Variants in PLCH1 observed in about 807,000 individuals in gnomAD.
The protein encoded by PLCH1 is phospholipase C eta 1.
PLCH1 carries 60 observed loss-of-function variants against 126.7 expected under a neutral mutation model. The observed-to-expected ratio is 0.47, with a 90% CI of 0.38 to 0.59. The LOEUF (loss-of-function observed/expected upper bound fraction) is 0.59. PLCH1 is among the 20% of genes least tolerant of loss of function. The pLI is 0.00. For missense variants in PLCH1, 1,723 were observed against 2,040.0 expected (o/e 0.84, Z 2.99); for synonymous variants, 719 against 734.9 (o/e 0.98, Z 0.35).
chr3:155,453,338 AT>A (rs1425178624), intron 21 of PLCH1, among the ~76,000 whole-genome samples: 2 of 152,194 alleles, frequency 1.3e-5, no homozygotes, highest in African/African-American at 4.8e-5. Flanking sequence ...GAGACCATAA[AT>A]AAGTTAATAT....
At chr3:155,495,738 G>A (rs1176361902) in intron 15 of PLCH1, among the ~76,000 whole-genome samples, 1 of 152,210 alleles carries the variant, frequency 6.6e-6, no homozygotes, top group East Asian at 1.9e-4. Context: ...ATACTCCCGA[G>A]TTAGAAGAGT....
chr3:155,622,117 T>TA (rs1273619319), intron 2 of PLCH1, among the ~76,000 whole-genome samples: 6 of 152,206 alleles, frequency 3.9e-5, no homozygotes, highest in South Asian at 2.1e-4. Context: ...TCAACATTCC[T>TA]AAAAAAAGAA....
At chr3:155,585,454 A>C (rs979393106) in intron 5 of PLCH1, among the ~76,000 whole-genome samples, 16 of 152,216 alleles carry the variant, frequency 1.1e-4, no homozygotes, top group African/African-American at 3.9e-4. Flanking sequence ...CTTAAACTTA[A>C]GAGAGCTCAC....
intron 13 of PLCH1, among the ~76,000 whole-genome samples, chr3:155,501,009 C>T (rs1717809286): frequency 1.3e-5 from 2 of 152,080 alleles, no homozygotes; most frequent in South Asian, 4.1e-4. Context: ...GAGTTTCATG[C>T]TCAGAAACTG....
chr3:155,657,014 G>C (rs755836390), intron 2 of PLCH1, among the ~76,000 whole-genome samples: 9 of 148,968 alleles, frequency 6.0e-5, no homozygotes, highest in Non-Finnish European at 8.9e-5. Flanking sequence ...AATATAATGG[G>C]AGAGAAGATT....
intron 2 of PLCH1, among the ~76,000 whole-genome samples, chr3:155,674,478 G>A (rs1359252340): frequency 1.3e-5 from 2 of 152,102 alleles, no homozygotes; most frequent in Non-Finnish European, 2.9e-5. Context: ...CATAATTCAA[G>A]ATGTTCCTTT....
Position 155,471,688 on chromosome 3 carries a change from C to G in PLCH1, c.2938+13668G>C, listed in dbSNP as rs1307113004. ...CCACATACTTGGAAGTAAAGCTCTC[C>G]TCAGCAAATGTAAAAGAACAGAAAT... On this transcript the variant is annotated intron_variant, in intron 21 of 21. Coordinates refer to the PLCH1 transcript ENST00000494598. Among the ~76,000 whole-genome samples, 13 of 149,176 alleles carry G rather than the reference C, an allele frequency of 8.7e-5. No homozygotes were observed. The South Asian group carries it at 2.8e-3, about 32-fold the overall frequency.
chr3:155,497,847 T>C (rs1160087698), intron 14 of PLCH1, among the ~76,000 whole-genome samples: 2 of 152,152 alleles, frequency 1.3e-5, no homozygotes, highest in African/African-American at 4.8e-5. Context: ...CCCGAGTAGC[T>C]GGGACTACAG....
chr3:155,743,565 T>G, intron 1 of PLCH1: 1 of 453,798 alleles, frequency 2.2e-6, no homozygotes. Context: ...AATGACCAGC[T>G]TGAGAAAACT....
At chr3:155,599,837 C>G (rs920183254) in intron 2 of PLCH1, among the ~76,000 whole-genome samples, 6 of 152,204 alleles carry the variant, frequency 3.9e-5, no homozygotes, top group Non-Finnish European at 7.3e-5. Flanking sequence ...CCTTTCTTTC[C>G]TTTCTCAGCT....
intron 2 of PLCH1, among the ~76,000 whole-genome samples, chr3:155,626,182 C>T (rs1737217754): frequency 6.7e-6 from 1 of 149,698 alleles, no homozygotes; most frequent in Non-Finnish European, 1.5e-5. Flanking sequence ...ACAATGAGAA[C>T]ACATGGACAC....
chr3:155,671,005 T>G lies in PLCH1; in HGVS notation c.79+33141A>C, dbSNP rs1743374664. Among the ~76,000 whole-genome samples the G allele has an allele frequency of 2.0e-5, 3 of 152,172 alleles. No homozygotes were observed. In the South Asian group the frequency reaches 6.2e-4, roughly 32 times the overall value. On this transcript the variant is annotated intron_variant, in intron 2 of 22. Transcript: ENST00000460012. Reference sequence around the variant, plus strand: ...GAGGAGATGTTAAATGGAGATGTCTTCATAGAGACAGAGAACCTTTTACAA... The same window carrying G: ...GAGGAGATGTTAAATGGAGATGTCTGCATAGAGACAGAGAACCTTTTACAA...
At chr3:155,491,255 TTTTTGTTTTTTGTTA>T (rs1716144703) in intron 18 of PLCH1, among the ~76,000 whole-genome samples, 1 of 152,160 alleles carries the variant, frequency 6.6e-6, no homozygotes, top group African/African-American at 2.4e-5. Context: ...GAATATACGT[TTTTTGTTTTTTGTTA>T]TTTTGTTTTT....
intron 2 of PLCH1, among the ~76,000 whole-genome samples, chr3:155,599,695 G>C (rs1387405023): frequency 6.6e-6 from 1 of 152,168 alleles, no homozygotes; most frequent in Non-Finnish European, 1.5e-5. Context: ...AGCAAGGACT[G>C]CCTATGTATC....
chr3:155,511,945 C>A (rs1427194158), intron 12 of PLCH1, among the ~76,000 whole-genome samples: 17 of 152,048 alleles, frequency 1.1e-4, no homozygotes, highest in African/African-American at 2.9e-4. Context: ...GCGCCCCTCC[C>A]CCAGCCTCAT....
At position 155,481,924 on chromosome 3, in the gene PLCH1, A is replaced by G. The variant is rs1714129056; in HGVS notation, c.4102T>C (p.Tyr1368His). Residue 1368 changes from tyrosine to histidine, a missense_variant, in exon 23 of 23, where the codon TAT (tyrosine) becomes CAT (histidine). Coordinates refer to ENST00000460012, the MANE Select transcript of PLCH1 (RefSeq NM_014996.4). The surrounding 1 kb of genome is among the most constrained non-coding windows in gnomAD (Gnocchi z 4.2). ...AGTTGACTTGTGCCCTCTCTCCTATATTCACAGGTTGTTAGAGAAAGATTT... is the reference window on the plus strand; with the variant it reads ...AGTTGACTTGTGCCCTCTCTCCTATGTTCACAGGTTGTTAGAGAAAGATTT... ...SENLSLTTCE[Y>H]RREGTSQLAS... is the part of the protein sequence containing the mutation. 1.2e-6 allele frequency: 2 copies of G among 1,614,162 alleles called. No individual in the cohort carries two copies. The highest frequency in any genetic ancestry group is 4.5e-5 in the East Asian group (2 of 44,880).
chr3:155,664,368 T>C (rs1297488731), intron 2 of PLCH1, among the ~76,000 whole-genome samples: 1 of 152,238 alleles, frequency 6.6e-6, no homozygotes, highest in African/African-American at 2.4e-5. Context: ...GCACCTGCTG[T>C]AACTCAGGTT....
chr3:155,668,765 C>A (rs1462694389), intron 2 of PLCH1, among the ~76,000 whole-genome samples: 2 of 152,164 alleles, frequency 1.3e-5, no homozygotes, highest in Admixed American at 6.5e-5. Context: ...TGGTGGCACA[C>A]GCCTGTAATC....
intron 2 of PLCH1, among the ~76,000 whole-genome samples, chr3:155,689,961 G>A (rs1174482515): frequency 4.0e-5 from 6 of 149,208 alleles, no homozygotes; most frequent in African/African-American, 1.2e-4. Flanking sequence ...ACCCAAATAA[G>A]ACTATCTCAA....
Sources: gnomAD v4.1 joint callset for allele counts (sites outside exome capture counted in the v4.1 genomes callset) on GRCh38, gnomAD v4.1.1 for gene constraint, Gnocchi (gnomAD v3.1) non-coding constraint, MANE v1.5 for transcripts, NCBI Gene and HGNC (gene_info 2026-07-23, HGNC 2026-07-21) for gene names.